Variants in IL1RAPL2 observed in about 807,000 individuals in gnomAD.
IL1RAPL2 encodes interleukin 1 receptor accessory protein like 2, also known as X-linked interleukin-1 receptor accessory protein-like 2.
IL1RAPL2 carries 3 observed loss-of-function variants against 44.1 expected under a neutral mutation model. The ratio of observed to expected loss-of-function variants is 0.07; its 90% CI spans 0.03 to 0.18. The LOEUF is 0.18. IL1RAPL2 is among the 10% of genes least tolerant of loss of function. The pLI, the probability that IL1RAPL2 is intolerant of heterozygous loss-of-function variation, is 1.00. For missense variants in IL1RAPL2, 391 were observed against 496.4 expected (o/e 0.79, Z 2.02); for synonymous variants, 181 against 178.8 (o/e 1.01, Z -0.10).
chrX:105,641,742 G>C (rs1402938974), intron 6 of IL1RAPL2, among the ~76,000 whole-genome samples: 1 of 111,858 alleles, frequency 8.9e-6, no homozygotes, highest in Non-Finnish European at 1.9e-5. Context: ...CATCAACCAA[G>C]ATGATATGTA....
At chrX:104,574,597 A>C (rs1341965893) in intron 1 of IL1RAPL2, among the ~76,000 whole-genome samples, 2 of 112,246 alleles carry the variant, frequency 1.8e-5, no homozygotes, top group Non-Finnish European at 3.8e-5. Context: ...TGTATACACA[A>C]GGATGTTCAT....
At chrX:104,880,554 C>T (rs1446107676) in intron 2 of IL1RAPL2, among the ~76,000 whole-genome samples, 3 of 111,522 alleles carry the variant, frequency 2.7e-5, no homozygotes, top group Non-Finnish European at 5.7e-5. Flanking sequence ...TGGCCTGTCC[C>T]CCAGATCCTT....
intron 2 of IL1RAPL2, among the ~76,000 whole-genome samples, chrX:104,982,417 T>C (rs1034634966): frequency 2.7e-5 from 3 of 111,056 alleles, no homozygotes; most frequent in Non-Finnish European, 5.7e-5. Context: ...CATTTTTACT[T>C]TCTTCTTTCC....
rs180832970 is a variant in IL1RAPL2, at chrX:105,165,883, C to G, written c.83-29592C>G. On this transcript the variant is annotated intron_variant, in intron 2 of 10. Transcript: ENST00000372582. ...CCTCTGCAGATCCCTCTTTGATCTT[C>G]CAATCTGGCTCAGTAGCTCCCAAGA... Among the ~76,000 whole-genome samples the G allele has an allele frequency of 5.9e-3, 654 of 111,550 alleles. 9 individuals are homozygous for G. Among genetic ancestry groups the G allele is most frequent in the African/African-American group, 0.02 (629 of 30,767 alleles).
chrX:105,477,142 C>T (rs1045115851), intron 5 of IL1RAPL2, among the ~76,000 whole-genome samples: 2 of 111,496 alleles, frequency 1.8e-5, no homozygotes, highest in East Asian at 2.8e-4. Flanking sequence ...AGAAATTTCT[C>T]TAAAATAGAG....
intron 5 of IL1RAPL2, among the ~76,000 whole-genome samples, chrX:105,300,211 G>T (rs1158975438): frequency 1.8e-5 from 2 of 111,548 alleles, no homozygotes; most frequent in East Asian, 5.6e-4. Flanking sequence ...AAATACGTGA[G>T]ACTAGATAAT....
chrX:104,793,871 C>T (rs1161057595), intron 2 of IL1RAPL2, among the ~76,000 whole-genome samples: 1 of 111,504 alleles, frequency 9.0e-6, no homozygotes. Context: ...TACTGTTTTA[C>T]AGTTTGGTGT....
intron 2 of IL1RAPL2, among the ~76,000 whole-genome samples, chrX:105,039,353 G>A (rs1434612246): frequency 8.9e-6 from 1 of 111,860 alleles, no homozygotes; most frequent in Non-Finnish European, 1.9e-5. Context: ...TCTGTGAGAT[G>A]AAACAAATCG....
intron 6 of IL1RAPL2, among the ~76,000 whole-genome samples, chrX:105,556,526 T>C (rs890524675): frequency 2.7e-5 from 3 of 111,465 alleles, no homozygotes; most frequent in Non-Finnish European, 5.7e-5. Flanking sequence ...CCCAACACCA[T>C]CATACCACTG....
At chrX:104,665,643 C>T (rs1331564381) in intron 2 of IL1RAPL2, among the ~76,000 whole-genome samples, 3 of 111,119 alleles carry the variant, frequency 2.7e-5, no homozygotes, top group Admixed American at 9.6e-5. Context: ...TGGAATCATA[C>T]TGTACGTACT....
intron 1 of IL1RAPL2, among the ~76,000 whole-genome samples, chrX:104,657,233 C>A (rs1426549098): frequency 9.0e-6 from 1 of 110,789 alleles, no homozygotes; most frequent in African/African-American, 3.3e-5. Context: ...TGTTACAAGG[C>A]TATAGTAACA....
intron 5 of IL1RAPL2, among the ~76,000 whole-genome samples, chrX:105,384,031 T>G (rs2035457413): frequency 9.0e-6 from 1 of 111,721 alleles, no homozygotes; most frequent in Non-Finnish European, 1.9e-5. Flanking sequence ...AGTTGAATAG[T>G]TTACATTTTT....
intron 6 of IL1RAPL2, among the ~76,000 whole-genome samples, chrX:105,569,778 A>G (rs868104910): frequency 1.8e-5 from 2 of 111,540 alleles, no homozygotes; most frequent in African/African-American, 3.3e-5. Flanking sequence ...CACTCTTTCT[A>G]TGGGAACAAC....
In IL1RAPL2 at chrX:104,781,977, C is replaced by A. The variant is rs72616877; in HGVS notation, c.82+122982C>A. Among the ~76,000 whole-genome samples, 298 of 111,598 alleles carry A rather than the reference C, an allele frequency of 2.7e-3. 8 individuals are homozygous for A. The East Asian group carries it at 0.074, about 28-fold the overall frequency. On this transcript the variant is annotated intron_variant, in intron 2 of 10. Coordinates refer to ENST00000372582, the MANE Select transcript of IL1RAPL2 (RefSeq NM_017416.2). ...CTTATAAAAGAGGTTCAAGGGAGCA[C>A]CCTTGCCCCTTCTGCCATGTGAGGA...
chrX:105,184,510 C>A (rs1216423466), intron 2 of IL1RAPL2, among the ~76,000 whole-genome samples: 1 of 108,100 alleles, frequency 9.3e-6, no homozygotes. Context: ...ATATAATATG[C>A]AATTGAATAC....
At chrX:105,447,833 TATTATAC>T in intron 5 of IL1RAPL2, among the ~76,000 whole-genome samples, 1 of 91,389 alleles carries the variant, frequency 1.1e-5, no homozygotes, top group Admixed American at 1.4e-4. Flanking sequence ...TATATAAATA[TATTATAC>T]ATATAAATAT....
At chrX:104,933,730 A>C (rs1924962125) in intron 2 of IL1RAPL2, among the ~76,000 whole-genome samples, 1 of 111,618 alleles carries the variant, frequency 9.0e-6, no homozygotes, top group African/African-American at 3.3e-5. Context: ...GTATTAATGA[A>C]ATCAAGTTAG....
chrX:104,910,124 C>T (rs887483580), intron 2 of IL1RAPL2, among the ~76,000 whole-genome samples: 6 of 112,153 alleles, frequency 5.3e-5, no homozygotes, highest in East Asian at 2.8e-4. Flanking sequence ...TTCCAGGTGC[C>T]GTCCGTCACC....
chrX:105,182,858 T>C (rs1439053873), intron 2 of IL1RAPL2, among the ~76,000 whole-genome samples: 1 of 111,397 alleles, frequency 9.0e-6, no homozygotes, highest in African/African-American at 3.3e-5. Context: ...TTGGACTCCC[T>C]GGCAGCACTC....
Sources: allele counts gnomAD v4.1 joint callset (sites outside exome capture counted in the v4.1 genomes callset), GRCh38; gene constraint gnomAD v4.1.1; transcripts MANE v1.5; gene names NCBI Gene and HGNC (gene_info 2026-07-23, HGNC 2026-07-21).